IL6ST: variants seen among roughly 807,000 people sequenced by gnomAD.
The protein encoded by IL6ST is interleukin-6 receptor subunit beta.
Under a neutral mutation model 91.3 loss-of-function variants are expected in IL6ST, and 24 were observed. The ratio of observed to expected loss-of-function variants is 0.26; its 90% CI spans 0.19 to 0.37. The LOEUF (loss-of-function observed/expected upper bound fraction) is 0.37, where lower values mean the gene tolerates loss of function less well. Ranked by LOEUF, IL6ST falls within the 10% of genes least tolerant of loss-of-function variation. The pLI, the probability that IL6ST is intolerant of heterozygous loss-of-function variation, is 1.00. For synonymous variants in IL6ST, 351 were observed against 373.6 expected, an observed-to-expected ratio of 0.94 and a Z score of 0.70; for missense variants, 914 against 1,078.5, an observed-to-expected ratio of 0.85 and a Z score of 2.14.
intron 5 of IL6ST, among the ~76,000 whole-genome samples, chr5:55,964,817 G>A (rs1752546147): frequency 6.6e-6 from 1 of 151,958 alleles, no homozygotes; most frequent in Non-Finnish European, 1.5e-5. Flanking sequence ...AAAGTTTCAA[G>A]TAATATTACT....
Position 55,940,403 on chromosome 5 carries a change from A to AT in IL6ST, c.*678dup, listed in dbSNP as rs1313859192. ...ATGCAAATTTTTGAAAACTAGTGAG[A>AT]TTACTAATTATTGATGAATAAAAAA... On this transcript the variant is annotated 3_prime_UTR_variant, in exon 17 of 17. Transcript: ENST00000381298. 1.4e-4 allele frequency: 30 copies of AT among 209,286 alleles called. No homozygotes were observed. The highest frequency in any genetic ancestry group is 6.6e-4 in the African/African-American group (29 of 44,226). 13.0% of individuals were successfully genotyped at this position (209,286 alleles called of 1,614,324 possible).
Position 55,972,834 on chromosome 5 carries a change from G to A in IL6ST, c.65-2979C>T, listed in dbSNP as rs151141213. 9.0e-4 allele frequency among the ~76,000 whole-genome samples: 137 copies of A among 151,580 alleles called. 1 individual carries two copies. Among genetic ancestry groups the A allele is most frequent in the Middle Eastern group, 6.8e-3 (2 of 292 alleles). On this transcript the variant is annotated intron_variant, in intron 3 of 16. Coordinates refer to ENST00000381298, the MANE Select transcript of IL6ST (RefSeq NM_002184.4). The stretch of plus-strand genomic sequence containing the variant: ...AGCCTGACCAACATGGTGAAATCCC[G>A]TCTCTACTAAAAATACAAAAATTAC...
At chr5:55,973,142 A>C (rs1008134907) in intron 3 of IL6ST, among the ~76,000 whole-genome samples, 1 of 152,230 alleles carries the variant, frequency 6.6e-6, no homozygotes, top group African/African-American at 2.4e-5. Context: ...ATATAAAAAA[A>C]CTGACTTAAG....
At chr5:55,965,928 A>G (rs928781343) in intron 5 of IL6ST, among the ~76,000 whole-genome samples, 1 of 152,190 alleles carries the variant, frequency 6.6e-6, no homozygotes, top group Non-Finnish European at 1.5e-5. Context: ...ATATAAATTT[A>G]TAATGAGAAA....
Position 55,963,457 on chromosome 5 carries a change from C to G in IL6ST, c.708G>C (p.Leu236=). Residue 236 remains leucine, a synonymous_variant, in exon 7 of 17, where the codon CTG becomes CTC. Coordinates refer to ENST00000381298, the MANE Select transcript of IL6ST (RefSeq NM_002184.4). ...TCCATGTCAATTTTAAGATACTAGA[C>G]AGTTCCTCTGAGTTGATCACTGATA... ...HNLSVINSEE[L]SSILKLTWTN... is the part of the protein sequence containing the mutation. The G allele has an allele frequency of 6.2e-7, 1 of 1,609,058 alleles. No homozygotes were observed. The highest frequency in any genetic ancestry group is 1.1e-5 in the South Asian group (1 of 90,866).
At chr5:55,965,763 C>T (rs998768147) in intron 5 of IL6ST, among the ~76,000 whole-genome samples, 4 of 146,966 alleles carry the variant, frequency 2.7e-5, no homozygotes, top group Non-Finnish European at 4.5e-5. Flanking sequence ...GGCAGTGAGC[C>T]GAGATCACGC....
At chr5:55,983,981 C>G (rs953144871) in intron 1 of IL6ST, among the ~76,000 whole-genome samples, 8 of 151,872 alleles carry the variant, frequency 5.3e-5, no homozygotes, top group Non-Finnish European at 1.0e-4. Flanking sequence ...CCCTAACCAC[C>G]CTGTGTTTCT....
chr5:55,968,878 T>C (rs916426931), intron 4 of IL6ST, among the ~76,000 whole-genome samples: 3 of 152,198 alleles, frequency 2.0e-5, no homozygotes, highest in African/African-American at 4.8e-5. Context: ...TTTTGGATCA[T>C]AGTAAGTTTA....
intron 2 of IL6ST, among the ~76,000 whole-genome samples, chr5:55,981,598 G>A (rs575645517): frequency 3.7e-4 from 57 of 152,050 alleles, no homozygotes; most frequent in African/African-American, 9.6e-4. Context: ...AGCCAAGATC[G>A]TGCCATTGCA....
At chr5:55,944,819 T>C (rs1751140921) in intron 15 of IL6ST, 1 of 648,124 alleles carries the variant, frequency 1.5e-6, no homozygotes, top group African/African-American at 1.8e-5. Context: ...GTTGTGGGAC[T>C]GCATGCTACT....
At position 55,964,197 on chromosome 5, in the gene IL6ST, C is replaced by T. The variant is rs1277864158; in HGVS notation, c.607G>A (p.Ala203Thr). Reference sequence around the variant, plus strand: ...TGATCTGATGTAACCTTCCCAAGGGCATTCTCTGCTTCTACCCAGACTTCA... The same window carrying T: ...TGATCTGATGTAACCTTCCCAAGGGTATTCTCTGCTTCTACCCAGACTTCA... ...NIEVWVEAEN[A>T]LGKVTSDHIN... The change falls in exon 6 of 17, where the codon GCC (alanine) becomes ACC (threonine). Residue 203 changes from alanine (A) to threonine (T), a missense_variant. Transcript: ENST00000381298. 3 of 1,610,288 alleles carry T rather than the reference C, an allele frequency of 1.9e-6. No homozygotes were observed. Among genetic ancestry groups the T allele is most frequent in the Middle Eastern group, 2.0e-4 (1 of 5,112 alleles).
chr5:55,973,632 T>C (rs1006950785), intron 3 of IL6ST, among the ~76,000 whole-genome samples: 11 of 152,216 alleles, frequency 7.2e-5, no homozygotes, highest in African/African-American at 2.7e-4. Flanking sequence ...ATATTGCAGC[T>C]GAGGCCCCAG....
chr5:55,949,353 C>T (rs1751468105), intron 14 of IL6ST, among the ~76,000 whole-genome samples: 1 of 152,042 alleles, frequency 6.6e-6, no homozygotes. Context: ...TGCCTACCAG[C>T]AGTCTTAGTT....
chr5:55,958,398 A>T (rs2111730477), intron 8 of IL6ST, among the ~76,000 whole-genome samples: 1 of 152,350 alleles, frequency 6.6e-6, no homozygotes, highest in East Asian at 1.9e-4. Flanking sequence ...ATATCAACTG[A>T]CATTTCATTT....
chr5:55,964,344 A>T, intron 5 of IL6ST, 32 bp from the exon 6 acceptor site: 1 of 1,520,696 alleles, frequency 6.6e-7, no homozygotes, highest in Non-Finnish European at 9.0e-7. Flanking sequence ...ATCAGTCATT[A>T]AAAACACATC....
intron 15 of IL6ST, among the ~76,000 whole-genome samples, chr5:55,946,408 A>G (rs575877188): frequency 8.5e-5 from 13 of 152,368 alleles, no homozygotes; most frequent in African/African-American, 3.1e-4. Context: ...GTATGTGAAT[A>G]TTCATAGCAA....
intron 2 of IL6ST, chr5:55,978,476 C>G (rs1369848595): frequency 1.3e-5 from 2 of 152,332 alleles, no homozygotes; most frequent in Non-Finnish European, 2.9e-5. Flanking sequence ...GCCTATAATC[C>G]CAGCACTTTG....
chr5:55,990,863 A>AT (rs1417198950), intron 1 of IL6ST, among the ~76,000 whole-genome samples: 1 of 150,824 alleles, frequency 6.6e-6, no homozygotes, highest in Non-Finnish European at 1.5e-5. Context: ...TACATTAGGT[A>AT]TATCTCCTAA....
chr5:55,957,767 C>T (rs1301637179), intron 8 of IL6ST, among the ~76,000 whole-genome samples: 1 of 151,778 alleles, frequency 6.6e-6, no homozygotes, highest in Non-Finnish European at 1.5e-5. Context: ...CTATTAAATA[C>T]CAGGTCTTCT....
Sources: gnomAD v4.1 joint callset for allele counts (sites outside exome capture counted in the v4.1 genomes callset) on GRCh38, gnomAD v4.1.1 for gene constraint, MANE v1.5 for transcripts, NCBI Gene and HGNC (gene_info 2026-07-23, HGNC 2026-07-21) for gene names.